The following NELL1 variants were observed in gnomAD, a reference collection of about 807,000 sequenced individuals.
NELL1 encodes protein kinase C-binding protein NELL1.
A neutral mutation model predicts 107.4 loss-of-function variants in NELL1; 76 were observed. The observed-to-expected ratio is 0.71, with a 90% CI of 0.59 to 0.86. The LOEUF (loss-of-function observed/expected upper bound fraction) is 0.86. NELL1 is among the 40% of genes least tolerant of loss of function. The pLI, the probability that NELL1 is intolerant of heterozygous loss-of-function variation, is 0.00. For synonymous variants in NELL1, 353 were observed against 341.2 expected, an observed-to-expected ratio of 1.03 and a Z score of -0.38; for missense variants, 1,024 against 1,005.5, an observed-to-expected ratio of 1.02 and a Z score of -0.25.
At chr11:21,531,893 T>C (rs971951939) in intron 15 of NELL1, among the ~76,000 whole-genome samples, 2 of 152,144 alleles carry the variant, frequency 1.3e-5, no homozygotes, top group African/African-American at 4.8e-5. Context: ...AGCCTCCAAG[T>C]GTTTTCTATA....
intron 14 of NELL1, among the ~76,000 whole-genome samples, chr11:21,330,641 G>C (rs933622505): frequency 6.6e-6 from 1 of 151,744 alleles, no homozygotes; most frequent in Non-Finnish European, 1.5e-5. Context: ...TTCCTTTGCT[G>C]TTTTCCTGAT....
At chr11:21,456,566 T>A (rs527929506) in intron 15 of NELL1, among the ~76,000 whole-genome samples, 1 of 152,286 alleles carries the variant, frequency 6.6e-6, no homozygotes, top group South Asian at 2.1e-4. Flanking sequence ...TGGAAATATT[T>A]CCTCAGTAGA....
chr11:20,935,114 G>T (rs1399126390), intron 9 of NELL1, among the ~76,000 whole-genome samples: 3 of 152,096 alleles, frequency 2.0e-5, no homozygotes, highest in Non-Finnish European at 4.4e-5. Flanking sequence ...TGGGGCTTTG[G>T]GCTGGAGATA....
At chr11:21,416,427 C>T (rs577308694) in intron 15 of NELL1, among the ~76,000 whole-genome samples, 1 of 152,100 alleles carries the variant, frequency 6.6e-6, no homozygotes, top group South Asian at 2.1e-4. Flanking sequence ...AGCTCCTGAA[C>T]CTGTGCTTCC....
At chr11:21,245,161 T>TC (rs1403632716) in intron 14 of NELL1, among the ~76,000 whole-genome samples, 12 of 152,088 alleles carry the variant, frequency 7.9e-5, no homozygotes, top group Admixed American at 7.9e-4. Flanking sequence ...CATTTCCTTT[T>TC]CCCCCACACA....
chr11:21,456,977 TC>T (rs1479575306), intron 15 of NELL1, among the ~76,000 whole-genome samples: 1 of 144,906 alleles, frequency 6.9e-6, no homozygotes, highest in African/African-American at 2.7e-5. Context: ...CTTAAGAAAT[TC>T]CCTGGAAATA....
At chr11:21,008,556 A>G (rs529974906) in intron 12 of NELL1, among the ~76,000 whole-genome samples, 41 of 152,236 alleles carry the variant, frequency 2.7e-4, no homozygotes, top group African/African-American at 9.6e-4. Context: ...TATTGAGTCA[A>G]TGAATGAATG....
At chr11:21,312,575 A>G (rs1849772791) in intron 14 of NELL1, among the ~76,000 whole-genome samples, 1 of 152,108 alleles carries the variant, frequency 6.6e-6, no homozygotes, top group Non-Finnish European at 1.5e-5. Context: ...TGAGGGAGGT[A>G]TGAGTATTCT....
rs138481324 is a variant in NELL1 at position 21,495,160 on chromosome 11, C to G, written c.1646-39214C>G. Reference sequence around the variant, plus strand: ...CCGTACTCATTAAGCAATCACTCCGCGTAATCCCTTTCCCCTAACCACAAG... The same window carrying G: ...CCGTACTCATTAAGCAATCACTCCGGGTAATCCCTTTCCCCTAACCACAAG... On this transcript the variant is annotated intron_variant, in intron 15 of 19. Transcript: ENST00000357134. 3.8e-3 allele frequency among the ~76,000 whole-genome samples: 576 copies of G among 152,232 alleles called. 4 individuals carry two copies. The highest frequency in any genetic ancestry group is 0.013 in the African/African-American group (544 of 41,562).
chr11:21,435,486 TTTG>T (rs931241915), intron 15 of NELL1, among the ~76,000 whole-genome samples: 1 of 127,618 alleles, frequency 7.8e-6, no homozygotes, highest in African/African-American at 2.9e-5. Flanking sequence ...TTTATCGTTT[TTTG>T]TTTTTTGTTT....
intron 14 of NELL1, among the ~76,000 whole-genome samples, chr11:21,319,632 G>A (rs1052295645): frequency 3.3e-5 from 5 of 151,274 alleles, no homozygotes; most frequent in African/African-American, 7.3e-5. Flanking sequence ...GTGTGTCACC[G>A]CGCCCAGCCG....
chr11:21,070,344 G>C (rs1316803425), intron 12 of NELL1, among the ~76,000 whole-genome samples: 1 of 152,090 alleles, frequency 6.6e-6, no homozygotes, highest in Non-Finnish European at 1.5e-5. Context: ...TTTAAAATTA[G>C]TAGACTTGGT....
intron 14 of NELL1, among the ~76,000 whole-genome samples, chr11:21,252,784 G>T (rs1028326030): frequency 9.2e-5 from 14 of 152,046 alleles, no homozygotes; most frequent in Non-Finnish European, 1.9e-4. Context: ...TAAGTAAGAA[G>T]GTCATTAAGA....
intron 15 of NELL1, among the ~76,000 whole-genome samples, chr11:21,531,257 A>G (rs558712498): frequency 2.6e-5 from 4 of 152,096 alleles, no homozygotes; most frequent in Non-Finnish European, 5.9e-5. Context: ...CCATTTTTGC[A>G]TTGAACACAA....
intron 15 of NELL1, among the ~76,000 whole-genome samples, chr11:21,491,916 C>T (rs954919547): frequency 5.9e-4 from 89 of 152,086 alleles, no homozygotes; most frequent in Non-Finnish European, 2.4e-4. Flanking sequence ...TCCTTCACTT[C>T]CCTTGTAAGT....
chr11:21,539,155 G>T (rs545868684), intron 16 of NELL1, among the ~76,000 whole-genome samples: 1 of 152,052 alleles, frequency 6.6e-6, no homozygotes, highest in African/African-American at 2.4e-5. Flanking sequence ...CAAAGATGTG[G>T]CTTGTCTGAT....
intron 14 of NELL1, among the ~76,000 whole-genome samples, chr11:21,269,796 A>G (rs1262184400): frequency 1.3e-5 from 2 of 152,140 alleles, no homozygotes; most frequent in African/African-American, 2.4e-5. Flanking sequence ...CTTTTCCCTT[A>G]TCATTAATTG....
intron 7 of NELL1, among the ~76,000 whole-genome samples, chr11:20,925,510 T>C (rs1850477033): frequency 6.9e-6 from 1 of 145,748 alleles, no homozygotes; most frequent in Non-Finnish European, 1.5e-5. Flanking sequence ...GGTCTCAAAC[T>C]CCTGACCTTG....
At chr11:21,562,833 G>T (rs1007630088) in intron 17 of NELL1, among the ~76,000 whole-genome samples, 1 of 152,062 alleles carries the variant, frequency 6.6e-6, no homozygotes, top group Non-Finnish European at 1.5e-5. Flanking sequence ...AGGAAATAGA[G>T]TTAAAATTTT....
Sources: allele counts gnomAD v4.1 joint callset (sites outside exome capture counted in the v4.1 genomes callset), GRCh38; gene constraint gnomAD v4.1.1; transcripts MANE v1.5; gene names NCBI Gene and HGNC (gene_info 2026-07-23, HGNC 2026-07-21).